The following VPS50 variants were observed in gnomAD, a reference collection of about 807,000 sequenced individuals.
VPS50 encodes the protein VPS50 subunit of EARP/GARPII complex, also known as syndetin.
In VPS50, 70 loss-of-function variants were observed where a neutral mutation model predicts 139.7. The observed-to-expected ratio is 0.50, with a 90% confidence interval of 0.41 to 0.61. The LOEUF (loss-of-function observed/expected upper bound fraction) is 0.61, where lower values mean the gene tolerates loss of function less well. Ranked by LOEUF, VPS50 falls within the 20% of genes least tolerant of loss-of-function variation. The pLI, the probability that VPS50 is intolerant of heterozygous loss-of-function variation, is 0.00. For missense variants in VPS50, 921 were observed against 1,133.7 expected, an observed-to-expected ratio of 0.81 and a Z score of 2.69; for synonymous variants, 365 against 376.7, an observed-to-expected ratio of 0.97 and a Z score of 0.36.
chr7:93,303,739 G>A lies in VPS50; in HGVS notation c.1452+189G>A, dbSNP rs189315482. ...AAAGGAATGATCCTTTTATGGTTGCGAAAAATCAGTCTTACAAAATTCAGT... is the reference window on the plus strand; with the variant it reads ...AAAGGAATGATCCTTTTATGGTTGCAAAAAATCAGTCTTACAAAATTCAGT... On this transcript the variant is annotated intron_variant, in intron 17 of 27. Transcript: ENST00000305866. 4.4e-3 allele frequency among the ~76,000 whole-genome samples: 663 copies of A among 151,694 alleles called. 5 individuals are homozygous for A. Among genetic ancestry groups the A allele is most frequent in the African/African-American group, 0.013 (558 of 41,448 alleles).
intron 22 of VPS50, among the ~76,000 whole-genome samples, chr7:93,336,838 A>G (rs1304848912): frequency 2.7e-5 from 3 of 112,128 alleles, no homozygotes; most frequent in Non-Finnish European, 5.1e-5. Flanking sequence ...ATCTTTGATA[A>G]TAAAAAGTAT....
intron 12 of VPS50, among the ~76,000 whole-genome samples, chr7:93,281,905 A>G (rs1178086378): frequency 6.6e-6 from 1 of 152,180 alleles, no homozygotes; most frequent in Non-Finnish European, 1.5e-5. Flanking sequence ...CACTTGCTAC[A>G]TTATAAACAA....
intron 19 of VPS50, 119 bp downstream of exon 19, chr7:93,309,061 T>C: frequency 2.2e-6 from 1 of 461,026 alleles, no homozygotes; most frequent in Admixed American, 3.7e-5. Flanking sequence ...TAATGTCACC[T>C]GACAGAAGTT....
chr7:93,277,137 T>C (rs1023786917), intron 12 of VPS50, among the ~76,000 whole-genome samples: 1 of 151,994 alleles, frequency 6.6e-6, no homozygotes, highest in Non-Finnish European at 1.5e-5. Flanking sequence ...AGGGGTTAGA[T>C]AGAGGAATGA....
Position 93,253,946 on chromosome 7 carries a change from AAC to A in VPS50, c.297+19_297+20del. ...AGCAAGCTGCAGTAAGTAAAAAAAA[AAC>A]ACATTTCTTTCTGGCAAAACTCTAG... On this transcript the variant is annotated intron_variant, in intron 4 of 27. Coordinates refer to ENST00000305866, the MANE Select transcript of VPS50 (RefSeq NM_017667.4). 6.7e-7 allele frequency: 1 copy of A among 1,499,946 alleles called. No homozygotes were observed. The highest frequency in any genetic ancestry group is 9.2e-7 in the Non-Finnish European group (1 of 1,088,730). The allele number at this position is 1,499,946 out of a possible 1,614,324, so 92.9% of individuals were successfully genotyped here.
intron 9 of VPS50, among the ~76,000 whole-genome samples, chr7:93,270,354 T>C (rs576483915): frequency 2.0e-5 from 3 of 152,112 alleles, no homozygotes; most frequent in African/African-American, 7.2e-5. Context: ...CCAAAATTAG[T>C]TTTGCTTGTT....
intron 12 of VPS50, among the ~76,000 whole-genome samples, chr7:93,278,590 CAAAA>C (rs11445569): frequency 2.9e-5 from 2 of 67,976 alleles, no homozygotes; most frequent in Admixed American, 3.1e-4. Flanking sequence ...GACTCTGTCT[CAAAA>C]AAAAAAAAAA....
At chr7:93,314,468 A>G (rs1416785225) in intron 20 of VPS50, among the ~76,000 whole-genome samples, 1 of 152,156 alleles carries the variant, frequency 6.6e-6, no homozygotes, top group Non-Finnish European at 1.5e-5. Flanking sequence ...AAATTCTGTC[A>G]TCCTGATGGT....
rs769778659 is a variant in VPS50 at position 93,253,901 on chromosome 7, T to C, written c.267T>C (p.Tyr89=). 6 of 1,602,194 alleles carry C rather than the reference T, an allele frequency of 3.7e-6. No homozygotes were observed. In the Admixed American group the frequency reaches 6.7e-5, roughly 18 times the overall value. The change falls in exon 4 of 28, where the codon TAT becomes TAC. Residue 89 remains tyrosine, a synonymous_variant. Coordinates refer to ENST00000305866, the MANE Select transcript of VPS50 (RefSeq NM_017667.4). ...PVLNLQELEA[Y]RDKLKQQQAA... is the part of the protein sequence containing the mutation. ...TCAATTTGCAAGAATTAGAGGCGTA[T>C]AGAGACAAATTGAAACAACAGCAAG...
intron 12 of VPS50, among the ~76,000 whole-genome samples, chr7:93,276,911 G>A (rs1796172642): frequency 6.6e-6 from 1 of 152,080 alleles, no homozygotes; most frequent in South Asian, 2.1e-4. Context: ...GGACTTTGGT[G>A]AAAAATCATG....
rs773577747 is a variant in VPS50, at chr7:93,358,351, A to T, written c.2810A>T (p.Asn937Ile). Residue 937 changes from asparagine to isoleucine, a missense_variant, in exon 28 of 28, where the codon AAT becomes ATT. Coordinates refer to ENST00000305866, the MANE Select transcript of VPS50 (RefSeq NM_017667.4). ...ACGAAGCAGCTGACCAATCTGGTGA[A>T]TGTTTGCCTGGGATCCCATATCAAT... ...YSTKQLTNLV[N>I]VCLGSHINKK... 1 of 1,612,874 alleles carries T rather than the reference A, an allele frequency of 6.2e-7. No individual in the cohort carries two copies.
At chr7:93,265,892 TAA>T (rs1312398618) in intron 9 of VPS50, among the ~76,000 whole-genome samples, 1 of 152,136 alleles carries the variant, frequency 6.6e-6, no homozygotes, top group Non-Finnish European at 1.5e-5. Context: ...TTAACAGAGT[TAA>T]GTGAAGTTAA....
rs756721124 is a variant in VPS50 at position 93,259,649 on chromosome 7, G to A, written c.659+17G>A. ...TTGTATAAGGTAAGGTCATGTAAAT[G>A]TTTTAAAGCAGATTCTGTTGTCAGC... On this transcript the variant is annotated intron_variant, in intron 9 of 27. Transcript: ENST00000305866. 25 of 1,371,170 alleles carry A rather than the reference G, an allele frequency of 1.8e-5. No homozygotes were observed. The allele number at this position is 1,371,170 out of a possible 1,614,324, so 84.9% of individuals were successfully genotyped here.
intron 2 of VPS50, among the ~76,000 whole-genome samples, chr7:93,241,684 TA>T (rs1468724429): frequency 4.6e-5 from 7 of 151,944 alleles, no homozygotes; most frequent in Non-Finnish European, 8.8e-5. Context: ...CTCCAGTCAG[TA>T]AACTGAGTCT....
chr7:93,339,860 T>C (rs191227089), intron 22 of VPS50, among the ~76,000 whole-genome samples: 1 of 152,362 alleles, frequency 6.6e-6, no homozygotes, highest in East Asian at 1.9e-4. Flanking sequence ...TACTATGAGC[T>C]ATTGCTTAAC....
At chr7:93,306,056 T>TA (rs750091045) in intron 18 of VPS50, 52 bp downstream of exon 18, 45 of 1,349,622 alleles carry the variant, frequency 3.3e-5, no homozygotes, top group Non-Finnish European at 4.2e-5. Context: ...AAAACTGTTC[T>TA]ACTCAATGAA....
intron 3 of VPS50, 75 bp from the exon 4 acceptor site, chr7:93,253,785 C>T (rs890076737): frequency 1.2e-6 from 1 of 800,216 alleles, no homozygotes; most frequent in Non-Finnish European, 2.1e-6. Context: ...GTTCACTAGT[C>T]AGAAGGGTCC....
chr7:93,275,290 C>A (rs1192346311), intron 11 of VPS50, among the ~76,000 whole-genome samples: 5 of 152,154 alleles, frequency 3.3e-5, no homozygotes, highest in African/African-American at 1.2e-4. Flanking sequence ...GAAAGAAGTT[C>A]TACTGTGGAT....
At chr7:93,259,686 C>A in intron 9 of VPS50, 54 bp downstream of exon 9, 1 of 884,864 alleles carries the variant, frequency 1.1e-6, no homozygotes, top group Non-Finnish European at 1.9e-6. Flanking sequence ...TCTTATGTAG[C>A]AGCTGTGTAA....
Sources: gnomAD v4.1 joint callset for allele counts (sites outside exome capture counted in the v4.1 genomes callset) on GRCh38, gnomAD v4.1.1 for gene constraint, MANE v1.5 for transcripts, NCBI Gene and HGNC (gene_info 2026-07-23, HGNC 2026-07-21) for gene names.